The following MYO1F variants were observed in gnomAD, a reference collection of about 807,000 sequenced individuals.
MYO1F encodes the protein unconventional myosin-If.
Under a neutral mutation model 146.6 loss-of-function variants are expected in MYO1F, and 60 were observed. That is an observed-to-expected ratio of 0.41 (90% confidence interval 0.33 to 0.51). The LOEUF (loss-of-function observed/expected upper bound fraction) is 0.51. MYO1F is among the 20% of genes least tolerant of loss of function. The pLI is 0.25. For synonymous variants in MYO1F, 602 were observed against 602.1 expected, an observed-to-expected ratio of 1.00 and a Z score of 0.00; for missense variants, 1,274 against 1,534.3, an observed-to-expected ratio of 0.83 and a Z score of 2.83.
At chr19:8,536,162 C>T (rs1972698671) in intron 19 of MYO1F, 90 bp downstream of exon 19, 2 of 1,436,570 alleles carry the variant, frequency 1.4e-6, no homozygotes, top group Non-Finnish European at 1.9e-6. Flanking sequence ...TCTCTGTCTC[C>T]CTCTGTCTCT....
At chr19:8,525,993 C>T (rs1449996040) in intron 24 of MYO1F, among the ~76,000 whole-genome samples, 4 of 152,206 alleles carry the variant, frequency 2.6e-5, no homozygotes, top group Non-Finnish European at 5.9e-5. Flanking sequence ...GTCCCTCCTC[C>T]ACATTTCACG....
At chr19:8,531,877 G>A (rs1454624869) in intron 19 of MYO1F, among the ~76,000 whole-genome samples, 1 of 152,140 alleles carries the variant, frequency 6.6e-6, no homozygotes, top group Admixed American at 6.6e-5. Flanking sequence ...CAGCATTTTG[G>A]GAGGCCGAGG....
intron 13 of MYO1F, among the ~76,000 whole-genome samples, chr19:8,545,212 C>T (rs552889118): frequency 1.4e-4 from 21 of 151,974 alleles, no homozygotes; most frequent in African/African-American, 3.1e-4. Flanking sequence ...CTCAGCCTTC[C>T]GGGTAGCTGG....
chr19:8,572,272 T>TG (rs1455273430), intron 1 of MYO1F, among the ~76,000 whole-genome samples: 1 of 151,294 alleles, frequency 6.6e-6, no homozygotes, highest in African/African-American at 2.4e-5. Context: ...TATGGGCATT[T>TG]TTTTTTCCCC....
chr19:8,521,456 AG>A lies in MYO1F; in HGVS notation c.*71del. 1 of 1,506,474 alleles carries A rather than the reference AG, an allele frequency of 6.6e-7. No homozygotes were observed. Among genetic ancestry groups the A allele is most frequent in the Non-Finnish European group, 9.2e-7 (1 of 1,087,270 alleles). 93.3% of individuals were successfully genotyped at this position (1,506,474 alleles called of 1,614,324 possible). On this transcript the variant is annotated 3_prime_UTR_variant, in exon 28 of 28. Coordinates refer to ENST00000644032, the MANE Select transcript of MYO1F (RefSeq NM_012335.4). Reference sequence around the variant, plus strand: ...CCAGGTAAACGAGGCTCTCATTGGCAGGGCCTGGCTCCCCACCAGGCCGGCA... The same window carrying A: ...CCAGGTAAACGAGGCTCTCATTGGCAGGCCTGGCTCCCCACCAGGCCGGCA...
chr19:8,525,410 T>C, intron 25 of MYO1F, 69 bp downstream of exon 25: 1 of 1,359,206 alleles, frequency 7.4e-7, no homozygotes, highest in African/African-American at 1.4e-5. Flanking sequence ...TTTCGTTTGC[T>C]GAAGGTCTGG....
chr19:8,536,215 C>T (rs1275509573), intron 19 of MYO1F, 37 bp downstream of exon 19: 2 of 1,599,222 alleles, frequency 1.3e-6, no homozygotes, highest in South Asian at 1.1e-5. Flanking sequence ...CTCTCTCTTC[C>T]CCTCTCCTTC....
chr19:8,548,806 T>C (rs1170109180), intron 10 of MYO1F, among the ~76,000 whole-genome samples: 1 of 150,842 alleles, frequency 6.6e-6, no homozygotes, highest in African/African-American at 2.4e-5. Context: ...TTCACTGTGG[T>C]CTCGATCTCC....
At chr19:8,539,899 A>G (rs1179922997) in intron 16 of MYO1F, 48 bp downstream of exon 16, 1 of 1,536,972 alleles carries the variant, frequency 6.5e-7, no homozygotes, top group African/African-American at 1.4e-5. Flanking sequence ...GTAGGGTGGA[A>G]CTCAGCCCTC....
At chr19:8,573,882 C>T (rs868945985) in intron 1 of MYO1F, among the ~76,000 whole-genome samples, 1 of 151,910 alleles carries the variant, frequency 6.6e-6, no homozygotes, top group Non-Finnish European at 1.5e-5. Flanking sequence ...ACAATACTAG[C>T]CATCAACAAC....
intron 1 of MYO1F, among the ~76,000 whole-genome samples, chr19:8,565,281 G>A (rs1175335601): frequency 1.3e-5 from 2 of 151,984 alleles, no homozygotes; most frequent in African/African-American, 2.4e-5. Context: ...AGTAGCTCAC[G>A]CCTGTAATCC....
intron 16 of MYO1F, among the ~76,000 whole-genome samples, chr19:8,539,609 A>G (rs1251620958): frequency 6.6e-6 from 1 of 150,834 alleles, no homozygotes; most frequent in African/African-American, 2.5e-5. Flanking sequence ...AAAAAAAATT[A>G]TTGGATATTA....
rs530512589 is a variant in MYO1F, at chr19:8,523,226, A to G, written c.2855-397T>C. 4.7e-3 allele frequency among the ~76,000 whole-genome samples: 710 copies of G among 151,764 alleles called. 1 individual carries two copies. Among genetic ancestry groups the G allele is most frequent in the Non-Finnish European group, 6.9e-3 (469 of 67,904 alleles). On this transcript the variant is annotated intron_variant, in intron 25 of 27. Transcript: ENST00000644032. ...TTTTAAATATTTTTAGTAGAGACGG[A>G]GTTTCATCATGTTAGCCAGGATGGT... is the stretch of plus-strand genomic sequence containing the variant.
rs1275670030 is a variant in MYO1F at position 8,577,284 on chromosome 19, G to T, written c.3+23C>A. On this transcript the variant is annotated intron_variant, in intron 1 of 27. Transcript: ENST00000644032. The surrounding 1 kb of genome is among the most constrained non-coding windows in gnomAD (Gnocchi z 4.3). ...GGTGTCCCTCCTCTTTCTTCTTCCA[G>T]ATCCCACCCTTGAAGGACTTACCAT... 28 of 1,613,362 alleles carry T rather than the reference G, an allele frequency of 1.7e-5. No homozygotes were observed. The highest frequency in any genetic ancestry group is 2.4e-5 in the Non-Finnish European group (28 of 1,179,686).
intron 1 of MYO1F, among the ~76,000 whole-genome samples, chr19:8,573,364 C>G (rs562941695): frequency 4.3e-4 from 66 of 151,946 alleles, no homozygotes; most frequent in Non-Finnish European, 7.5e-4. Context: ...CCATCACCAA[C>G]CAAAGGCAAC....
intron 1 of MYO1F, among the ~76,000 whole-genome samples, chr19:8,559,958 A>AG (rs1176794900): frequency 6.7e-4 from 101 of 150,438 alleles, no homozygotes; most frequent in Admixed American, 1.7e-3. Context: ...CTCAGAAAAA[A>AG]AAAAAAAAAA....
At chr19:8,529,994 A>C in intron 21 of MYO1F, 1 of 693,626 alleles carries the variant, frequency 1.4e-6, no homozygotes, top group Non-Finnish European at 2.5e-6. Context: ...AGGTGAGGGT[A>C]TACCTGTGAT....
chr19:8,534,468 C>T (rs868655183), intron 19 of MYO1F, among the ~76,000 whole-genome samples: 4 of 150,374 alleles, frequency 2.7e-5, no homozygotes, highest in African/African-American at 4.9e-5. Context: ...TCACCATGCC[C>T]GGCTTATTTT....
chr19:8,533,333 ATTCTTC>A (rs552758347), intron 19 of MYO1F, among the ~76,000 whole-genome samples: 1,672 of 135,716 alleles, frequency 0.012, 34 homozygotes, highest in African/African-American at 0.044. Flanking sequence ...CCAGCCTCAG[ATTCTTC>A]TTCTTCTTCT....
Sources: gnomAD v4.1 joint callset for allele counts (sites outside exome capture counted in the v4.1 genomes callset) on GRCh38, gnomAD v4.1.1 for gene constraint, Gnocchi (gnomAD v3.1) non-coding constraint, MANE v1.5 for transcripts, NCBI Gene and HGNC (gene_info 2026-07-23, HGNC 2026-07-21) for gene names.